VWF: variants seen among roughly 807,000 people sequenced by gnomAD.
The protein encoded by VWF is Factor VIII related antigen.
In VWF, 176 loss-of-function variants were observed where a neutral mutation model predicts 308.6. The ratio of observed to expected loss-of-function variants is 0.57; its 90% CI spans 0.50 to 0.65. The LOEUF (loss-of-function observed/expected upper bound fraction) is 0.65, where lower values mean the gene tolerates loss of function less well. VWF is among the 30% of genes least tolerant of loss of function. VWF has a pLI of 0.00. For missense variants in VWF, 3,146 were observed against 3,648.2 expected, an observed-to-expected ratio of 0.86 and a Z score of 3.55; for synonymous variants, 1,385 against 1,443.4, an observed-to-expected ratio of 0.96 and a Z score of 0.92.
rs748715084 is a variant in VWF, at chr12:6,016,601, G to C, written c.5226C>G (p.Asp1742Glu). 2 of 1,614,196 alleles carry C rather than the reference G, an allele frequency of 1.2e-6. No homozygotes were observed. Among genetic ancestry groups the C allele is most frequent in the Admixed American group, 3.3e-5 (2 of 60,020 alleles). Residue 1742 changes from aspartate (D) to glutamate (E), a missense_variant, in exon 30 of 52, where the codon GAC becomes GAG. Transcript: ENST00000261405. The stretch of plus-strand genomic sequence containing the variant: ...TCTCCGGGACCACGTTCCATGGCAC[G>C]TCAATGGTGGTGATGCTTCCATACT... ...VLQYGSITTI[D>E]VPWNVVPEKA...
intron 34 of VWF, among the ~76,000 whole-genome samples, chr12:6,010,649 T>C (rs1168775592): frequency 6.6e-6 from 1 of 152,240 alleles, no homozygotes; most frequent in African/African-American, 2.4e-5. Context: ...GGGTAACCTA[T>C]GGTACACAGT....
chr12:5,959,587 A>G (rs928930604), intron 47 of VWF, among the ~76,000 whole-genome samples: 8 of 152,184 alleles, frequency 5.3e-5, no homozygotes, highest in African/African-American at 1.9e-4. Context: ...AAATGTAAAC[A>G]TGGATAAACA....
chr12:6,112,389 G>A (rs1945317221), intron 3 of VWF, among the ~76,000 whole-genome samples: 1 of 152,058 alleles, frequency 6.6e-6, no homozygotes, highest in African/African-American at 2.4e-5. Flanking sequence ...ATAACTAATT[G>A]GTCATAAGAA....
chr12:6,019,189 A>G lies in VWF; in HGVS notation c.4229T>C (p.Ile1410Thr). Residue 1410 changes from isoleucine to threonine, a missense_variant, in exon 28 of 52, where the codon ATT (isoleucine) becomes ACT (threonine). By Grantham distance (89) the Ile-to-Thr change is moderately conservative. This residue lies in a region of VWF where 853 missense variants were observed against 1,177.8 expected (regional missense o/e 0.72). Transcript: ENST00000261405. The surrounding 1 kb of genome is among the most constrained non-coding windows in gnomAD (Gnocchi z 5.8). The part of the protein sequence containing the change: ...YVQGLKKKKV[I>T]VIPVGIGPHA... ...GGGCCCAATGCCCACCGGGATCACA[A>G]TGACCTTCTTCTTCTTCAGGCCCTG... The G allele has an allele frequency of 2.5e-6, 4 of 1,613,914 alleles. No homozygotes were observed. Among genetic ancestry groups the G allele is most frequent in the Non-Finnish European group, 3.4e-6 (4 of 1,179,852 alleles).
At chr12:6,081,635 GC>G (rs1326273148) in intron 6 of VWF, among the ~76,000 whole-genome samples, 2 of 152,188 alleles carry the variant, frequency 1.3e-5, no homozygotes, top group African/African-American at 4.8e-5. Context: ...ACGGCACCTG[GC>G]CTAAGTCAGT....
At chr12:6,041,468 A>G (rs1944395232) in intron 18 of VWF, among the ~76,000 whole-genome samples, 1 of 150,940 alleles carries the variant, frequency 6.6e-6, no homozygotes, top group Non-Finnish European at 1.5e-5. Flanking sequence ...TTTTTTTTTG[A>G]GACGGAGTCT....
chr12:5,977,155 T>A (rs1029697904), intron 42 of VWF, among the ~76,000 whole-genome samples: 13 of 152,228 alleles, frequency 8.5e-5, no homozygotes, highest in African/African-American at 3.1e-4. Context: ...ACCATCCCTA[T>A]GGAGAAGAAT....
At chr12:6,085,630 G>A (rs1466514426) in intron 6 of VWF, among the ~76,000 whole-genome samples, 2 of 149,876 alleles carry the variant, frequency 1.3e-5, no homozygotes, top group Middle Eastern at 3.5e-3. Context: ...TCAAGGGCTT[G>A]TCAAATGAGC....
intron 31 of VWF, among the ~76,000 whole-genome samples, chr12:6,013,869 A>T (rs1353815443): frequency 6.6e-6 from 1 of 152,076 alleles, no homozygotes; most frequent in Non-Finnish European, 1.5e-5. Context: ...CAAGCACATA[A>T]AGTCCCTCCC....
intron 42 of VWF, among the ~76,000 whole-genome samples, chr12:5,981,572 T>C (rs142862145): frequency 1.5e-3 from 232 of 152,290 alleles, no homozygotes; most frequent in African/African-American, 4.8e-3. Flanking sequence ...GCTGGAATGC[T>C]GACTGCCCCC....
At chr12:6,110,338 C>G (rs1392074460) in intron 5 of VWF, 36 bp downstream of exon 5, 2 of 1,606,774 alleles carry the variant, frequency 1.2e-6, no homozygotes, top group Non-Finnish European at 1.7e-6. Context: ...AAAGCATGGC[C>G]ACACTTTAGG....
intron 18 of VWF, among the ~76,000 whole-genome samples, chr12:6,042,443 G>A (rs963304767): frequency 1.3e-5 from 2 of 152,186 alleles, no homozygotes; most frequent in African/African-American, 2.4e-5. Flanking sequence ...CCAAGAACAC[G>A]TGTCCCGTGC....
Position 6,095,493 on chromosome 12 carries a change from G to A in VWF, c.624C>T (p.Ser208=), listed in dbSNP as rs757146723. Residue 208 remains serine (S), a synonymous_variant, in exon 6 of 52, where the codon AGC becomes AGT. Transcript: ENST00000261405. The stretch of plus-strand genomic sequence containing the variant: ...TTTCCCCAGAGGAGATGTTGCATGA[G>A]CTGCTGGGAGGAGATGCCCGTTCAC... The part of the protein sequence containing the change: ...QWCERASPPS[S]SCNISSGEMQ... 1.9e-6 allele frequency: 3 copies of A among 1,614,162 alleles called. No homozygotes were observed. The highest frequency in any genetic ancestry group is 3.3e-5 in the Admixed American group (2 of 60,022).
chr12:5,971,363 C>A (rs531739865), intron 44 of VWF, among the ~76,000 whole-genome samples: 210 of 152,340 alleles, frequency 1.4e-3, no homozygotes, highest in African/African-American at 4.8e-3. Flanking sequence ...GAGCATGAAT[C>A]CCCCTGGGAG....
chr12:6,083,730 G>A (rs1396316479), intron 6 of VWF, among the ~76,000 whole-genome samples: 1 of 152,176 alleles, frequency 6.6e-6, no homozygotes, highest in East Asian at 1.9e-4. Context: ...ACGGGGCACA[G>A]AGCTGCTAGG....
intron 1 of VWF, among the ~76,000 whole-genome samples, chr12:6,124,197 C>T (rs1945462271): frequency 1.3e-5 from 2 of 152,174 alleles, no homozygotes; most frequent in Admixed American, 6.5e-5. Flanking sequence ...GAGTGAAGTA[C>T]TATCAAACAG....
At position 6,016,120 on chromosome 12, in the gene VWF, C is replaced by T. The variant is rs1944053644; in HGVS notation, c.5424G>A (p.Val1808=). The change falls in exon 31 of 52, where the codon GTG becomes GTA. Residue 1808 remains valine, a synonymous_variant. Transcript: ENST00000261405. ...ILVTDVSVDS[V]DAAADAARSN... ...ACCTGGCGGCATCAGCTGCTGCATCCACTGAATCCACAGAGACGTCCGTGA... is the reference window on the plus strand; with the variant it reads ...ACCTGGCGGCATCAGCTGCTGCATCTACTGAATCCACAGAGACGTCCGTGA... The T allele has an allele frequency of 6.2e-7, 1 of 1,614,200 alleles. No homozygotes were observed. Among genetic ancestry groups the T allele is most frequent in the East Asian group, 2.2e-5 (1 of 44,886 alleles).
At chr12:6,074,059 G>A (rs1944812347) in intron 7 of VWF, among the ~76,000 whole-genome samples, 1 of 152,022 alleles carries the variant, frequency 6.6e-6, no homozygotes, top group South Asian at 2.1e-4. Flanking sequence ...CCCTTTCAGA[G>A]TGACACCAAA....
Position 5,994,416 on chromosome 12 carries a change from A to G in VWF, c.6255T>C (p.Cys2085=), listed in dbSNP as rs201189728. ...GAGGAGTTGAGAAAATGTTCTTACC[A>G]CACAGACCATACGTCTTTGAAGCAA... The part of the protein sequence containing the change: ...KTFASKTYGL[C]GICDENGAND... The change falls in exon 36 of 52, where the codon TGT becomes TGC. Residue 2085 remains cysteine (C), a splice_region_variant and synonymous_variant. Transcript: ENST00000261405. The G allele has an allele frequency of 6.2e-7, 1 of 1,614,204 alleles. No homozygotes were observed. Among genetic ancestry groups the G allele is most frequent in the Non-Finnish European group, 8.5e-7 (1 of 1,180,024 alleles).
Sources: allele counts gnomAD v4.1 joint callset (sites outside exome capture counted in the v4.1 genomes callset), GRCh38; gene constraint gnomAD v4.1.1; regional missense constraint gnomAD v4.1.1; non-coding constraint Gnocchi (gnomAD v3.1); transcripts MANE v1.5; gene names NCBI Gene and HGNC (gene_info 2026-07-23, HGNC 2026-07-21).